The following KIAA1210 variants were observed in gnomAD, a reference collection of about 807,000 sequenced individuals.
KIAA1210 encodes the protein acrosomal protein KIAA1210.
In KIAA1210, 48 loss-of-function variants were observed where a neutral mutation model predicts 78.9. The observed-to-expected ratio is 0.61, with a 90% confidence interval of 0.48 to 0.77. The LOEUF (loss-of-function observed/expected upper bound fraction) is 0.77, where lower values mean the gene tolerates loss of function less well. Ranked by LOEUF, KIAA1210 falls within the 30% of genes least tolerant of loss-of-function variation. The probability of loss-of-function intolerance (pLI) is 0.00; values close to 1 mark genes in which losing one functional copy is unlikely to be tolerated. For missense variants in KIAA1210, 1,108 were observed against 1,100.0 expected (o/e 1.01, Z -0.10); for synonymous variants, 406 against 404.5 (o/e 1.00, Z -0.04).
intron 2 of KIAA1210, among the ~76,000 whole-genome samples, chrX:119,120,062 A>G (rs1020287168): frequency 1.8e-5 from 2 of 110,560 alleles, no homozygotes; most frequent in African/African-American, 6.6e-5. Context: ...CCAGCTACTC[A>G]GGAGGCTGAA....
chrX:119,116,112 C>T (rs1352572379), intron 3 of KIAA1210, among the ~76,000 whole-genome samples: 1 of 112,132 alleles, frequency 8.9e-6, no homozygotes, highest in Non-Finnish European at 1.9e-5. Flanking sequence ...TCCTGAATGA[C>T]GTAGGCCCTT....
At chrX:119,150,855 C>A (rs989593312), upstream of KIAA1210, among the ~76,000 whole-genome samples, 3 of 112,730 alleles carry the variant, frequency 2.7e-5, no homozygotes, top group East Asian at 2.8e-4. Flanking sequence ...CGGTTAGGAG[C>A]CCCTGCAAGG....
At chrX:119,081,852 T>C (rs772451155) in intron 11 of KIAA1210, among the ~76,000 whole-genome samples, 4 of 112,905 alleles carry the variant, frequency 3.5e-5, no homozygotes, top group African/African-American at 1.3e-4. Flanking sequence ...AAACATATTG[T>C]ATCTACTTAG....
chrX:119,092,759 T>TCAAATAAATAAATAAATAAA (rs746567004), intron 8 of KIAA1210, among the ~76,000 whole-genome samples: 8 of 85,319 alleles, frequency 9.4e-5, no homozygotes, highest in African/African-American at 3.3e-4. Flanking sequence ...AGACTCCGTC[T>TCAAATAAATAAATAAATAAA]TAAATAAATA....
At chrX:119,121,255 T>C (rs778886307) in intron 2 of KIAA1210, among the ~76,000 whole-genome samples, 1 of 111,843 alleles carries the variant, frequency 8.9e-6, no homozygotes, top group Non-Finnish European at 1.9e-5. Flanking sequence ...ACAGGCTGTT[T>C]TTCAAAATCT....
At chrX:119,146,463 C>T (rs1929170572) in intron 2 of KIAA1210, among the ~76,000 whole-genome samples, 1 of 112,129 alleles carries the variant, frequency 8.9e-6, no homozygotes. Flanking sequence ...AGTGGAACAT[C>T]CCTTAGAATG....
At chrX:119,120,845 C>T (rs1237749312) in intron 2 of KIAA1210, among the ~76,000 whole-genome samples, 1 of 111,603 alleles carries the variant, frequency 9.0e-6, no homozygotes, top group African/African-American at 3.3e-5. Flanking sequence ...TGGGGAGACA[C>T]GGAGAGATGG....
Position 119,095,466 on chromosome X carries a change from A to C in KIAA1210, c.846+1028T>G, listed in dbSNP as rs186379364. On this transcript the variant is annotated intron_variant, in intron 7 of 11. Coordinates refer to ENST00000691062, the MANE Select transcript of KIAA1210 (RefSeq NM_001394962.1). Reference sequence around the variant, plus strand: ...TGCAATGACACAATCTCGGCTCACCACAACCTCCACCTCCCGGGTTCAAGC... The same window carrying C: ...TGCAATGACACAATCTCGGCTCACCCCAACCTCCACCTCCCGGGTTCAAGC... 3.1e-3 allele frequency among the ~76,000 whole-genome samples: 345 copies of C among 111,083 alleles called. 4 individuals are homozygous for C. The highest frequency in any genetic ancestry group is 0.011 in the African/African-American group (328 of 30,532).
At chrX:119,141,214 G>A (rs1158289593) in intron 2 of KIAA1210, among the ~76,000 whole-genome samples, 2 of 111,855 alleles carry the variant, frequency 1.8e-5, no homozygotes, top group African/African-American at 6.5e-5. Flanking sequence ...GGAAAGGGAA[G>A]ATCTAAATGC....
chrX:119,142,963 G>T (rs1386374133), intron 2 of KIAA1210, among the ~76,000 whole-genome samples: 5 of 110,722 alleles, frequency 4.5e-5, no homozygotes, highest in African/African-American at 1.6e-4. Flanking sequence ...CTTCAACACT[G>T]GGGATCAGGT....
Position 119,096,549 on chromosome X carries a change from G to A in KIAA1210, c.791C>T (p.Ala264Val), listed in dbSNP as rs2147176773. 1.7e-6 allele frequency: 2 copies of A among 1,211,068 alleles called. No individual in the cohort carries two copies. The highest frequency in any genetic ancestry group is 5.9e-5 in the East Asian group (2 of 33,850). Residue 264 changes from alanine (A) to valine (V), a missense_variant, in exon 7 of 12, where the codon GCT becomes GTT. Transcript: ENST00000691062. ...GGGATTTAAAGTCATTTTGTGGCGA[G>A]CAGCTGAAGAATCCAAACAGCCCTG... ...TTQGCLDSSA[A>V]RHKMTLNPRK...
intron 6 of KIAA1210, among the ~76,000 whole-genome samples, chrX:119,104,788 T>C (rs1450896001): frequency 9.8e-5 from 11 of 111,966 alleles, no homozygotes; most frequent in Non-Finnish European, 1.9e-4. Context: ...AATACTATCT[T>C]CCCTTGCTTA....
At chrX:119,094,238 C>G (rs980780782) in intron 7 of KIAA1210, 3 of 416,649 alleles carry the variant, frequency 7.2e-6, no homozygotes, top group Non-Finnish European at 1.2e-5. Context: ...CATGAATTAT[C>G]TCTTTCCAGA....
chrX:119,081,759 G>A (rs942712445), intron 11 of KIAA1210, among the ~76,000 whole-genome samples: 1 of 112,137 alleles, frequency 8.9e-6, no homozygotes, highest in Admixed American at 9.4e-5. Context: ...GAAGGCCTGG[G>A]AGGTAATACC....
chrX:119,111,592 C>A (rs1928075350), intron 3 of KIAA1210, among the ~76,000 whole-genome samples: 2 of 89,843 alleles, frequency 2.2e-5, no homozygotes, highest in Non-Finnish European at 4.3e-5. Flanking sequence ...ACATCACACA[C>A]TGGGGCCTGT....
At chrX:119,094,320 A>G (rs1459890233) in intron 7 of KIAA1210, among the ~76,000 whole-genome samples, 2 of 111,958 alleles carry the variant, frequency 1.8e-5, no homozygotes, top group African/African-American at 6.5e-5. Flanking sequence ...CAGCCCTTAC[A>G]CTGGATGGGC....
chrX:119,089,384 C>T lies in KIAA1210; in HGVS notation c.1318G>A (p.Asp440Asn). The T allele has an allele frequency of 1.7e-6, 2 of 1,211,491 alleles. No individual in the cohort carries two copies. Among genetic ancestry groups the T allele is most frequent in the Non-Finnish European group, 2.2e-6 (2 of 895,398 alleles). Residue 440 changes from aspartate to asparagine, a missense_variant, in exon 9 of 12, where the codon GAC (aspartate) becomes AAC (asparagine). Coordinates refer to ENST00000691062, the MANE Select transcript of KIAA1210 (RefSeq NM_001394962.1). The stretch of plus-strand genomic sequence containing the variant: ...ATGCCAGCATTTCTCCTTCCCATGT[C>T]ATCTTTATCTGAAAGCAACCCCTGA... Reference protein sequence around the residue: ...TPQGLLSDKDDMGRRNAGIDF... With the variant: ...TPQGLLSDKDNMGRRNAGIDF...
rs767326692 is a variant in KIAA1210, at chrX:119,127,735, T to A, written c.-19A>T. On this transcript the variant is annotated 5_prime_UTR_variant, in exon 1 of 12. Transcript: ENST00000691062. ...GAGTTATCTATACTTACTGCCTTTA[T>A]GTCCTCACTTTCTATTCTCGTGAGC... Among the ~76,000 whole-genome samples, 2 of 112,140 alleles carry A rather than the reference T, an allele frequency of 1.8e-5. No homozygotes were observed. The highest frequency in any genetic ancestry group is 9.5e-5 in the Admixed American group (1 of 10,559).
chrX:119,147,510 T>C, exon 2 of KIAA1210: 2 of 1,211,359 alleles, frequency 1.7e-6, no homozygotes, highest in Non-Finnish European at 2.2e-6. Context: ...AGAAGCTGAC[T>C]AGCATGATGT....
Sources: allele counts gnomAD v4.1 joint callset (sites outside exome capture counted in the v4.1 genomes callset), GRCh38; gene constraint gnomAD v4.1.1; transcripts MANE v1.5; gene names NCBI Gene and HGNC (gene_info 2026-07-23, HGNC 2026-07-21).